The following PDE4B variants were observed in gnomAD, a reference collection of about 807,000 sequenced individuals.
PDE4B encodes 3',5'-cyclic-AMP phosphodiesterase 4B.
A neutral mutation model predicts 82.2 loss-of-function variants in PDE4B; 20 were observed. The ratio of observed to expected loss-of-function variants is 0.24; its 90% CI spans 0.17 to 0.35. The LOEUF (loss-of-function observed/expected upper bound fraction) is 0.35, where lower values mean the gene tolerates loss of function less well. PDE4B is among the 10% of genes least tolerant of loss of function. The pLI, the probability that PDE4B is intolerant of heterozygous loss-of-function variation, is 1.00. For missense variants in PDE4B, 655 were observed against 907.2 expected (o/e 0.72, Z 3.57); for synonymous variants, 320 against 318.9 (o/e 1.00, Z -0.04).
chr1:65,897,569 A>C (rs2100409037), intron 1 of PDE4B, among the ~76,000 whole-genome samples: 1 of 152,072 alleles, frequency 6.6e-6, no homozygotes, highest in South Asian at 2.1e-4. Context: ...CCCACTTGTA[A>C]GTGAGAGCGT....
chr1:66,267,464 T>C (rs1655137266), intron 7 of PDE4B: 1 of 152,232 alleles, frequency 6.6e-6, no homozygotes, highest in East Asian at 1.9e-4. Context: ...AATTTGATTA[T>C]TTAGACTATG....
At chr1:66,366,873 G>GTATA (rs1663291284) in intron 13 of PDE4B, among the ~76,000 whole-genome samples, 1 of 152,202 alleles carries the variant, frequency 6.6e-6, no homozygotes, top group Non-Finnish European at 1.5e-5. Context: ...TTGTAACTAA[G>GTATA]AGCACACTGT....
chr1:65,906,342 A>G (rs530463185), intron 1 of PDE4B, among the ~76,000 whole-genome samples: 5 of 152,274 alleles, frequency 3.3e-5, no homozygotes, highest in Admixed American at 1.3e-4. Flanking sequence ...TAACTCAGAG[A>G]TGAAAACTCT....
chr1:66,058,971 A>T (rs1447427764), intron 3 of PDE4B, among the ~76,000 whole-genome samples: 1 of 152,158 alleles, frequency 6.6e-6, no homozygotes, highest in Non-Finnish European at 1.5e-5. Context: ...CAAGCTGCAA[A>T]TTTTTTGAAC....
intron 3 of PDE4B, among the ~76,000 whole-genome samples, chr1:66,150,662 G>T (rs529540954): frequency 6.6e-6 from 1 of 152,252 alleles, no homozygotes; most frequent in Admixed American, 6.5e-5. Context: ...TATGATAGTG[G>T]CTGTGGGTTT....
At chr1:66,329,118 C>T (rs973910693) in intron 7 of PDE4B, among the ~76,000 whole-genome samples, 4 of 152,108 alleles carry the variant, frequency 2.6e-5, no homozygotes, top group Admixed American at 6.5e-5. Flanking sequence ...GAGCTATGTG[C>T]GTGCCCTTAG....
intron 7 of PDE4B, among the ~76,000 whole-genome samples, chr1:66,327,978 T>A (rs921088526): frequency 6.6e-6 from 1 of 152,224 alleles, no homozygotes; most frequent in African/African-American, 2.4e-5. Context: ...CTCTAATAAT[T>A]TAATCTCTGA....
intron 3 of PDE4B, among the ~76,000 whole-genome samples, chr1:66,069,714 A>G (rs997794999): frequency 2.6e-5 from 4 of 152,044 alleles, no homozygotes; most frequent in African/African-American, 9.7e-5. Flanking sequence ...TGGTACCATT[A>G]TAGATAATAA....
At chr1:66,296,356 A>G (rs1332742682) in intron 7 of PDE4B, among the ~76,000 whole-genome samples, 11 of 152,172 alleles carry the variant, frequency 7.2e-5, no homozygotes, top group South Asian at 6.2e-4. Context: ...TGTTTACGAT[A>G]AACAAGAAAG....
Position 65,928,025 on chromosome 1 carries a change from A to G in PDE4B, c.281+9190A>G, listed in dbSNP as rs138871512. On this transcript the variant is annotated intron_variant, in intron 3 of 16. Coordinates refer to ENST00000341517, the MANE Select transcript of PDE4B (RefSeq NM_002600.4). ...TGACATTTTGGGTCCTCTGGAATCA[A>G]TGTCAGCTCAGAGCCAGTGTCCACT... Among the ~76,000 whole-genome samples the G allele has an allele frequency of 8.3e-4, 126 of 152,284 alleles. 1 individual carries two copies. Among genetic ancestry groups the G allele is most frequent in the African/African-American group, 2.5e-3 (103 of 41,540 alleles).
chr1:66,242,922 A>G (rs1444109142), intron 3 of PDE4B, among the ~76,000 whole-genome samples: 3 of 152,216 alleles, frequency 2.0e-5, no homozygotes, highest in Non-Finnish European at 4.4e-5. Flanking sequence ...AGGATTCCCC[A>G]GGAATAGAAA....
rs17128712 is a variant in PDE4B at position 66,268,763 on chromosome 1, C to G, written c.634+2676C>G. Among the ~76,000 whole-genome samples the G allele has an allele frequency of 9.7e-3, 1,472 of 151,376 alleles. 51 individuals carry two copies. The East Asian group carries it at 0.12, about 12-fold the overall frequency. On this transcript the variant is annotated intron_variant, in intron 7 of 16. Transcript: ENST00000341517. ...CTCACTATCCAGCCAAGGTTCTTAT[C>G]AGCTCTCATGGCTCAATGCAAATGT...
Position 66,316,085 on chromosome 1 carries a change from T to A in PDE4B, c.635-16423T>A, listed in dbSNP as rs17128787. On this transcript the variant is annotated intron_variant, in intron 7 of 16. Transcript: ENST00000341517. ...ACAACTATTTGAAATCCAGTCAGAG[T>A]GTAGCAGTAATTCATTCATTCAATA... Among the ~76,000 whole-genome samples the A allele has an allele frequency of 0.019, 2,911 of 152,286 alleles. 149 individuals carry two copies. In the East Asian group the frequency reaches 0.21, roughly 11 times the overall value.
At chr1:65,968,211 G>T (rs1185027502) in intron 3 of PDE4B, among the ~76,000 whole-genome samples, 1 of 152,166 alleles carries the variant, frequency 6.6e-6, no homozygotes, top group South Asian at 2.1e-4. Flanking sequence ...TCTTCTCCTT[G>T]TGGCTCCATT....
At chr1:66,074,567 C>T (rs1457277167) in intron 3 of PDE4B, among the ~76,000 whole-genome samples, 1 of 152,122 alleles carries the variant, frequency 6.6e-6, no homozygotes, top group Admixed American at 6.6e-5. Flanking sequence ...CCATCACAAC[C>T]ATCTAGTTTC....
intron 1 of PDE4B, among the ~76,000 whole-genome samples, chr1:65,796,724 T>A (rs6703532): frequency 0.36 from 52,225 of 146,446 alleles, 10,139 homozygotes; most frequent in East Asian, 0.65. Context: ...ATCTTGGCTC[T>A]CTGCAAACTC....
intron 3 of PDE4B, among the ~76,000 whole-genome samples, chr1:66,154,763 A>G (rs1646469536): frequency 6.6e-6 from 1 of 152,208 alleles, no homozygotes; most frequent in Non-Finnish European, 1.5e-5. Context: ...TGTCTCTTCC[A>G]TTCGCTACAC....
At chr1:65,938,948 T>C (rs773936948) in intron 3 of PDE4B, among the ~76,000 whole-genome samples, 8 of 152,070 alleles carry the variant, frequency 5.3e-5, no homozygotes, top group African/African-American at 1.7e-4. Flanking sequence ...GTATGGAAGA[T>C]AGATGGGAGC....
chr1:65,993,364 TAG>T (rs1651356375), intron 3 of PDE4B, among the ~76,000 whole-genome samples: 1 of 152,198 alleles, frequency 6.6e-6, no homozygotes, highest in South Asian at 2.1e-4. Flanking sequence ...CTTTTAACTG[TAG>T]AGTCTTTAAA....
Sources: gnomAD v4.1 joint callset for allele counts (sites outside exome capture counted in the v4.1 genomes callset) on GRCh38, gnomAD v4.1.1 for gene constraint, MANE v1.5 for transcripts, NCBI Gene and HGNC (gene_info 2026-07-23, HGNC 2026-07-21) for gene names.